Variants in HOXC5 observed in about 807,000 individuals in gnomAD.
The protein encoded by HOXC5 is homeobox C5.
In HOXC5, 19 loss-of-function variants were observed where a neutral mutation model predicts 20.1. The observed-to-expected ratio is 0.94, with a 90% confidence interval of 0.66 to 1.38. The LOEUF (loss-of-function observed/expected upper bound fraction) is 1.38. Ranked by LOEUF, HOXC5 falls within the 40% of genes most tolerant of loss-of-function variation. The probability of loss-of-function intolerance (pLI) is 0.00; values close to 1 mark genes in which losing one functional copy is unlikely to be tolerated. For synonymous variants in HOXC5, 124 were observed against 117.0 expected, an observed-to-expected ratio of 1.06 and a Z score of -0.39; for missense variants, 330 against 300.1, an observed-to-expected ratio of 1.10 and a Z score of -0.74.
chr12:54,033,048 A>G, upstream of HOXC5: 2 of 1,242,414 alleles, frequency 1.6e-6, no homozygotes, highest in Non-Finnish European at 2.3e-6. Flanking sequence ...AGAACAAAAA[A>G]CCCCTCAACT....
rs1941122193 is a variant in HOXC5 at position 54,034,377 on chromosome 12, G to A, written c.554G>A (p.Arg185His). 1 of 1,614,174 alleles carries A rather than the reference G, an allele frequency of 6.2e-7. No individual in the cohort carries two copies. Among genetic ancestry groups the A allele is most frequent in the East Asian group, 2.2e-5 (1 of 44,888 alleles). Residue 185 changes from arginine to histidine, a missense_variant, in exon 2 of 2, where the codon CGC becomes CAC. Coordinates refer to ENST00000312492, the MANE Select transcript of HOXC5 (RefSeq NM_018953.4). ...AACCGCTACCTCACTCGCCGCAGGC[G>A]CATAGAGATCGCCAACAACTTGTGT... Reference protein sequence around the residue: ...HFNRYLTRRRRIEIANNLCLN... With the variant: ...HFNRYLTRRRHIEIANNLCLN...
the HOXC5 span, among the ~76,000 whole-genome samples, chr12:54,025,299 G>A: frequency 6.6e-6 from 1 of 152,032 alleles, no homozygotes; most frequent in Non-Finnish European, 1.5e-5. Context: ...AATATATTTA[G>A]AAAAATCTAA....
chr12:54,027,098 G>A, the HOXC5 span, among the ~76,000 whole-genome samples: 1 of 152,186 alleles, frequency 6.6e-6, no homozygotes, highest in African/African-American at 2.4e-5. Flanking sequence ...ACCCCCATCT[G>A]CACACTTTCC....
chr12:54,025,965 T>G, the HOXC5 span, among the ~76,000 whole-genome samples: 72 of 152,084 alleles, frequency 4.7e-4, no homozygotes, highest in African/African-American at 1.6e-3. Context: ...TAAAAGAGAT[T>G]TTTAAATACA....
chr12:54,027,464 A>AC, the HOXC5 span, among the ~76,000 whole-genome samples: 1 of 152,078 alleles, frequency 6.6e-6, no homozygotes, highest in Non-Finnish European at 1.5e-5. Flanking sequence ...TATGTGAATT[A>AC]CCCCACAGGC....
chr12:54,027,767 C>T, the HOXC5 span, among the ~76,000 whole-genome samples: 2 of 152,188 alleles, frequency 1.3e-5, no homozygotes, highest in Non-Finnish European at 2.9e-5. Context: ...TTTGCCCACT[C>T]CAGCTCTGCC....
upstream of HOXC5, chr12:54,029,675 C>A: frequency 6.2e-7 from 1 of 1,613,522 alleles, no homozygotes. Context: ...CGGAGCGGAC[C>A]GGAGGCGCGG....
At chr12:54,027,575 C>T in the HOXC5 span, among the ~76,000 whole-genome samples, 24 of 152,344 alleles carry the variant, frequency 1.6e-4, no homozygotes, top group Non-Finnish European at 2.5e-4. Context: ...CTCTCTTTCT[C>T]TCTGTCTTTC....
At chr12:54,031,068 G>T (rs1037331863), upstream of HOXC5, among the ~76,000 whole-genome samples, 4 of 152,396 alleles carry the variant, frequency 2.6e-5, no homozygotes, top group Non-Finnish European at 5.9e-5. Flanking sequence ...AGCCGCGTAG[G>T]ATTTTGTTGC....
chr12:54,028,780 T>C (rs532429929), upstream of HOXC5: 3 of 1,614,168 alleles, frequency 1.9e-6, no homozygotes, highest in Admixed American at 3.3e-5. Flanking sequence ...GCTCTCAAAC[T>C]GCAGACAAAA....
At chr12:54,023,040 C>G in the HOXC5 span, among the ~76,000 whole-genome samples, 2 of 152,220 alleles carry the variant, frequency 1.3e-5, no homozygotes, top group Non-Finnish European at 2.9e-5. Flanking sequence ...AGCAGGGCCA[C>G]TTGCTTTGCC....
At chr12:54,032,968 G>T (rs916988050), upstream of HOXC5, 3 of 650,044 alleles carry the variant, frequency 4.6e-6, no homozygotes, top group Non-Finnish European at 7.8e-6. Flanking sequence ...TCTATTTAAG[G>T]CTCCCTTATT....
the HOXC5 span, among the ~76,000 whole-genome samples, chr12:54,025,536 G>C: frequency 1.8e-5 from 1 of 55,404 alleles, no homozygotes; most frequent in Non-Finnish European, 6.2e-5. Flanking sequence ...TTGGGGGGGG[G>C]GGAGGTGTTG....
chr12:54,028,371 G>A, upstream of HOXC5: 1 of 760,234 alleles, frequency 1.3e-6, no homozygotes. Flanking sequence ...CTGACATCTG[G>A]CTTGCGATTG....
At chr12:54,022,289 C>T in the HOXC5 span, 3 of 152,174 alleles carry the variant, frequency 2.0e-5, no homozygotes, top group African/African-American at 7.2e-5. Context: ...ATTCTTCTCC[C>T]ACACTCCCTC....
chr12:54,033,037 G>C, upstream of HOXC5: 1 of 1,097,426 alleles, frequency 9.1e-7, no homozygotes, highest in South Asian at 1.5e-5. Context: ...GTCCACTTTG[G>C]AGAACAAAAA....
the HOXC5 span, among the ~76,000 whole-genome samples, chr12:54,025,441 G>A: frequency 6.7e-6 from 1 of 149,142 alleles, no homozygotes. Flanking sequence ...CCCTTGGAGC[G>A]AATCCTTTCA....
the HOXC5 span, among the ~76,000 whole-genome samples, chr12:54,027,683 T>A: frequency 6.6e-6 from 1 of 151,778 alleles, no homozygotes; most frequent in Non-Finnish European, 1.5e-5. Context: ...GCTGGAAGAG[T>A]TTTCCCAACA....
chr12:54,032,851 T>A, upstream of HOXC5: 3 of 193,246 alleles, frequency 1.6e-5, no homozygotes, highest in Non-Finnish European at 2.1e-5. Flanking sequence ...CCTCTCCCCC[T>A]TGGTTGGGCT....
Sources: allele counts gnomAD v4.1 joint callset (sites outside exome capture counted in the v4.1 genomes callset), GRCh38; gene constraint gnomAD v4.1.1; transcripts MANE v1.5; gene names NCBI Gene and HGNC (gene_info 2026-07-23, HGNC 2026-07-21).